ACADVL: variants seen among roughly 807,000 people sequenced by gnomAD.
ACADVL encodes very long-chain acyl-CoA dehydrogenase, mitochondrial.
In ACADVL, 73 loss-of-function variants were observed where a neutral mutation model predicts 80.4. That is an observed-to-expected ratio of 0.91 (90% CI 0.75 to 1.10). The LOEUF (loss-of-function observed/expected upper bound fraction) is 1.10, where lower values mean the gene tolerates loss of function less well. Among genes scored for constraint, ACADVL ranks in the 50% least tolerant of loss-of-function variants. ACADVL has a pLI of 0.00. For missense variants in ACADVL, 878 were observed against 858.9 expected, an observed-to-expected ratio of 1.02 and a Z score of -0.28; for synonymous variants, 392 against 326.5, an observed-to-expected ratio of 1.20 and a Z score of -2.16.
rs773378857 is a variant in ACADVL at position 7,220,470 on chromosome 17, C to T, written c.145C>T (p.Leu49=). The T allele has an allele frequency of 1.2e-6, 2 of 1,614,242 alleles. No individual in the cohort carries two copies. The highest frequency in any genetic ancestry group is 1.7e-6 in the Non-Finnish European group (2 of 1,180,042). The change falls in exon 3 of 20, where the codon CTG becomes TTG. Residue 49 remains leucine, a synonymous_variant. Coordinates refer to ENST00000356839, the MANE Select transcript of ACADVL (RefSeq NM_000018.4). The stretch of plus-strand genomic sequence containing the variant: ...TAACCGTCTCTTTTCCCAGCTGGCT[C>T]TGGACAAGTCAGATTCCCACCCCTC... ...PYAGGAAQLA[L]DKSDSHPSDA...
chr17:7,219,948 C>A lies in ACADVL; in HGVS notation c.-37C>A. 2.2e-6 allele frequency: 2 copies of A among 915,526 alleles called. No homozygotes were observed. The highest frequency in any genetic ancestry group is 3.1e-5 in the South Asian group (2 of 64,152). 56.7% of individuals were successfully genotyped at this position (915,526 alleles called of 1,614,324 possible). On this transcript the variant is annotated 5_prime_UTR_variant, in exon 1 of 20. Coordinates refer to ENST00000356839, the MANE Select transcript of ACADVL (RefSeq NM_000018.4). ...GGCGTGCAGGACGCCAGAGCTGGGT[C>A]AGAGCTCGAGCCAGCGGCGCCCGGA...
intron 7 of ACADVL, 125 bp downstream of exon 7, chr17:7,221,807 T>C: frequency 6.3e-7 from 1 of 1,587,996 alleles, no homozygotes; most frequent in South Asian, 1.1e-5. Context: ...TGGGGAGGCA[T>C]CACAGTGTGC....
rs776276526 is a variant in ACADVL at position 7,224,635 on chromosome 17, C to T, written c.1679-7C>T. The T allele has an allele frequency of 9.7e-6, 15 of 1,546,146 alleles. No homozygotes were observed. Among genetic ancestry groups the T allele is most frequent in the South Asian group, 3.5e-5 (3 of 84,750 alleles). The stretch of plus-strand genomic sequence containing the variant: ...CCACCCCCACCCCCACCCCACCTAC[C>T]GGACAGATGAACAGTTTCTGCTGCA... On this transcript the variant is annotated splice_polypyrimidine_tract_variant and splice_region_variant and intron_variant, in intron 17 of 19. Coordinates refer to ENST00000356839, the MANE Select transcript of ACADVL (RefSeq NM_000018.4).
rs1419606204 is a variant in ACADVL at position 7,223,995 on chromosome 17, G to A, written c.1360G>A (p.Asp454Asn). Residue 454 changes from aspartate (D) to asparagine (N), a missense_variant, in exon 14 of 20, where the codon GAT becomes AAT. Physicochemically the swap from Asp to Asn is conservative, Grantham distance 23. Coordinates refer to ENST00000356839, the MANE Select transcript of ACADVL (RefSeq NM_000018.4). ...KEPGVERVLR[D>N]LRIFRIFEGT... ...ACCTGGAGTAGAGCGTGTGCTCCGA[G>A]ATCTTCGCATCTTCCGGATCTTTGA... is the stretch of plus-strand genomic sequence containing the variant. The A allele has an allele frequency of 1.6e-5, 26 of 1,614,024 alleles. No individual in the cohort carries two copies. The highest frequency in any genetic ancestry group is 1.8e-5 in the Non-Finnish European group (21 of 1,180,034).
rs778988790 is a variant in ACADVL, at chr17:7,223,168, G to GA, written c.1117dup (p.Ile373AsnfsTer22). 2 of 1,614,148 alleles carry GA rather than the reference G, an allele frequency of 1.2e-6. No individual in the cohort carries two copies. Reference sequence around the variant, plus strand: ...CCACTAATCGTACCCAGTTTGGGGAGAAAATTCACAACTTTGGGCTGATCC... The same window carrying GA: ...CCACTAATCGTACCCAGTTTGGGGAGAAAAATTCACAACTTTGGGCTGATCC... On this transcript the variant is annotated frameshift_variant, in exon 11 of 20. Transcript: ENST00000356839. LOFTEE classifies it high-confidence loss of function.
At position 7,220,691 on chromosome 17, in the gene ACADVL, A is replaced by T; in HGVS notation, c.277+15A>T. ...ATACCCGTCCGGTAAGGGAAGGGAT[A>T]ATCAGAGCTGGGTGGGGCCAGGGTG... On this transcript the variant is annotated intron_variant, in intron 4 of 19. Coordinates refer to ENST00000356839, the MANE Select transcript of ACADVL (RefSeq NM_000018.4). 1 of 1,614,210 alleles carries T rather than the reference A, an allele frequency of 6.2e-7. No homozygotes were observed.
intron 7 of ACADVL, 29 bp downstream of exon 7, chr17:7,221,711 T>TG (rs746054256): frequency 3.1e-6 from 5 of 1,613,086 alleles, no homozygotes; most frequent in South Asian, 1.1e-5. Flanking sequence ...AGCCAGGGAT[T>TG]GGGGGGCACA....
rs774716484 is a variant in ACADVL, at chr17:7,222,685, G to C, written c.897G>C (p.Lys299Asn). The change falls in exon 10 of 20, where the codon AAG becomes AAC. Residue 299 changes from lysine to asparagine, a missense_variant. Lys to Asn is a moderately conservative substitution (Grantham distance 94). Transcript: ENST00000356839. ...GACACAGTGGGCCCCCTGAGAAGAA[G>C]ATGGGCATCAAGGCTTCAAACACAG... ...GGITHGPPEK[K>N]MGIKASNTAE... 1.9e-6 allele frequency: 3 copies of C among 1,613,998 alleles called. No homozygotes were observed. Among genetic ancestry groups the C allele is most frequent in the South Asian group, 1.1e-5 (1 of 91,054 alleles).
chr17:7,221,336 A>G (rs986300365), intron 6 of ACADVL: 1 of 982,758 alleles, frequency 1.0e-6, no homozygotes, highest in Non-Finnish European at 1.5e-6. Flanking sequence ...CCTCCTACCT[A>G]GACCTAAGAC....
chr17:7,222,324 G>T (rs777119175), intron 9 of ACADVL, 22 bp downstream of exon 9: 1 of 1,612,742 alleles, frequency 6.2e-7, no homozygotes, highest in African/African-American at 1.3e-5. Context: ...TGGGTTGGGG[G>T]AGCTTAGGAC....
chr17:7,221,912 C>A, intron 7 of ACADVL, 40 bp from the exon 8 acceptor site: 1 of 1,613,846 alleles, frequency 6.2e-7, no homozygotes, highest in Non-Finnish European at 8.5e-7. Flanking sequence ...GACTTTGAAG[C>A]TCATCAGAAC....
chr17:7,224,972 C>G lies in ACADVL; in HGVS notation c.1843C>G (p.Arg615Gly). Residue 615 changes from arginine to glycine, a missense_variant, in exon 20 of 20, where the codon CGA becomes GGA. Coordinates refer to ENST00000356839, the MANE Select transcript of ACADVL (RefSeq NM_000018.4). ...TWCIEAAARI[R>G]EGMAALQSDP... ...CTCTCCCCAGGCTGCAGCTCGGATCCGAGAGGGCATGGCCGCCCTGCAGTC... is the reference window on the plus strand; with the variant it reads ...CTCTCCCCAGGCTGCAGCTCGGATCGGAGAGGGCATGGCCGCCCTGCAGTC... 1 of 1,614,086 alleles carries G rather than the reference C, an allele frequency of 6.2e-7. No homozygotes were observed. The highest frequency in any genetic ancestry group is 8.5e-7 in the Non-Finnish European group (1 of 1,180,022).
chr17:7,217,611 G>A, upstream of ACADVL: 1 of 1,397,734 alleles, frequency 7.2e-7, no homozygotes, highest in African/African-American at 1.5e-5. Context: ...GCCGAAGAGG[G>A]AAGGGGAGAG....
chr17:7,225,221 A>G lies in ACADVL; in HGVS notation c.*124A>G. On this transcript the variant is annotated 3_prime_UTR_variant, in exon 20 of 20. Coordinates refer to ENST00000356839, the MANE Select transcript of ACADVL (RefSeq NM_000018.4). ...TGTTCCCAGCACTGTGCCTGCTCTCAAGAGCACTTACTGCCTCGCAAATAA... is the reference window on the plus strand; with the variant it reads ...TGTTCCCAGCACTGTGCCTGCTCTCGAGAGCACTTACTGCCTCGCAAATAA... 1 of 1,329,528 alleles carries G rather than the reference A, an allele frequency of 7.5e-7. No individual in the cohort carries two copies. The highest frequency in any genetic ancestry group is 1.1e-6 in the Non-Finnish European group (1 of 941,632). 82.4% of individuals were successfully genotyped at this position (1,329,528 alleles called of 1,614,324 possible). A position where few individuals can be genotyped will look rare whatever the true frequency, so the allele number is the denominator to read the frequency against.
chr17:7,221,315 T>C lies in ACADVL; in HGVS notation c.478-223T>C. On this transcript the variant is annotated intron_variant, in intron 6 of 19. Coordinates refer to ENST00000356839, the MANE Select transcript of ACADVL (RefSeq NM_000018.4). ...GATTGCCTAACAATAGACTGACTAG[T>C]AGCAAGTCACCCTCCTACCTAGACC... 8.7e-6 allele frequency: 8 copies of C among 914,486 alleles called. No homozygotes were observed. The South Asian group carries it at 1.3e-4, about 15-fold the overall frequency. The allele number at this position is 914,486 out of a possible 1,614,324, so 56.6% of individuals were successfully genotyped here. A position where few individuals can be genotyped will look rare whatever the true frequency, so the allele number is the denominator to read the frequency against.
In ACADVL at chr17:7,224,887, G is replaced by A. The variant is rs1275093952; in HGVS notation, c.1827+3G>A. ...TCTGTGACACCTGGTGTATCGAGGT[G>A]AGACTCGGGGCTGCCAAGCTCAGGT... is the stretch of plus-strand genomic sequence containing the variant. On this transcript the variant is annotated splice_donor_region_variant and intron_variant, in intron 19 of 19. Coordinates refer to ENST00000356839, the MANE Select transcript of ACADVL (RefSeq NM_000018.4). The A allele has an allele frequency of 6.2e-7, 1 of 1,614,068 alleles. No individual in the cohort carries two copies. Among genetic ancestry groups the A allele is most frequent in the East Asian group, 2.2e-5 (1 of 44,886 alleles).
Position 7,222,791 on chromosome 17 carries a change from C to T in ACADVL, c.1003C>T (p.His335Tyr), listed in dbSNP as rs773030006. ...EVGSGFKVAMHILNNGRFGMA... is the reference protein window; with the variant it reads ...EVGSGFKVAMYILNNGRFGMA... ...TGGGAGTGGCTTCAAGGTTGCCATG[C>T]ACATCCTCAACAATGGAAGGTTTGG... The change falls in exon 10 of 20, where the codon CAC becomes TAC. Residue 335 changes from histidine to tyrosine, a missense_variant. By Grantham distance (83) the His-to-Tyr change is moderately conservative. Transcript: ENST00000356839. 1.9e-6 allele frequency: 3 copies of T among 1,613,912 alleles called. No individual in the cohort carries two copies. In the African/African-American group the frequency reaches 4.0e-5, roughly 22 times the overall value.
intron 6 of ACADVL, chr17:7,221,286 T>C (rs1003557539): frequency 1.3e-5 from 12 of 938,894 alleles, no homozygotes; most frequent in Non-Finnish European, 1.9e-5. Context: ...ATCTCTAAGT[T>C]GGGGATTGCC....
chr17:7,221,709 A>AT (rs1567563540), intron 7 of ACADVL, 27 bp downstream of exon 7: 1 of 1,613,274 alleles, frequency 6.2e-7, no homozygotes, highest in Non-Finnish European at 8.5e-7. Context: ...AGAGCCAGGG[A>AT]TTGGGGGGCA....
Sources: allele counts gnomAD v4.1 joint callset, GRCh38; gene constraint gnomAD v4.1.1; transcripts MANE v1.5; gene names NCBI Gene and HGNC (gene_info 2026-07-23, HGNC 2026-07-21).